HTATSF1: variants seen among roughly 807,000 people sequenced by gnomAD.
HTATSF1 encodes 17S U2 SnRNP complex component HTATSF1.
A neutral mutation model predicts 46.1 loss-of-function variants in HTATSF1; 6 were observed. The observed-to-expected ratio is 0.13, with a 90% CI of 0.07 to 0.26. The LOEUF (loss-of-function observed/expected upper bound fraction) is 0.26, where lower values mean the gene tolerates loss of function less well. Ranked by LOEUF, HTATSF1 falls within the 10% of genes least tolerant of loss-of-function variation. HTATSF1 has a pLI of 1.00. For synonymous variants in HTATSF1, 226 were observed against 211.5 expected, an observed-to-expected ratio of 1.07 and a Z score of -0.60; for missense variants, 452 against 559.9, an observed-to-expected ratio of 0.81 and a Z score of 1.94.
At chrX:136,508,559 A>G (rs1375303347) in intron 6 of HTATSF1, among the ~76,000 whole-genome samples, 2 of 112,860 alleles carry the variant, frequency 1.8e-5, no homozygotes, top group Non-Finnish European at 3.7e-5. Context: ...ACAATGTGGT[A>G]GGAGACAAGA....
rs746299439 is a variant in HTATSF1, at chrX:136,509,172, C to A, written c.916C>A (p.Leu306Ile). The stretch of plus-strand genomic sequence containing the variant: ...GTTTGGACAAATTAGGAAACTCCTT[C>A]TCTTTGATGTAAGTTCATGGCTTGG... The part of the protein sequence containing the change: ...SKFGQIRKLL[L>I]FDRHPDGVAS... Residue 306 changes from leucine to isoleucine, a missense_variant, in exon 7 of 9, where the codon CTC becomes ATC. This residue lies in a region of HTATSF1 where 117 missense variants were observed against 222.2 expected (regional missense o/e 0.53). Transcript: ENST00000218364. The A allele has an allele frequency of 3.4e-6, 4 of 1,180,082 alleles. No homozygotes were observed. In the East Asian group the frequency reaches 1.2e-4, roughly 35 times the overall value.
chrX:136,499,888 T>A, intron 2 of HTATSF1, 110 bp downstream of exon 2: 16 of 584,623 alleles, frequency 2.7e-5, no homozygotes, highest in South Asian at 3.9e-5. Flanking sequence ...ATAAGGTGAG[T>A]TTTTTCTTTA....
At chrX:136,504,913 A>G (rs781285626) in intron 6 of HTATSF1, among the ~76,000 whole-genome samples, 1 of 112,386 alleles carries the variant, frequency 8.9e-6, no homozygotes, top group East Asian at 2.8e-4. Context: ...ACAGCAAGTA[A>G]AAGTGAATAA....
At chrX:136,509,042 T>C in intron 6 of HTATSF1, 49 bp from the exon 7 acceptor site, 1 of 864,352 alleles carries the variant, frequency 1.2e-6, no homozygotes. Flanking sequence ...TCTCAGGATT[T>C]ATAGTTAAAG....
intron 1 of HTATSF1, among the ~76,000 whole-genome samples, chrX:136,498,986 G>A (rs193201159): frequency 2.4e-4 from 27 of 112,756 alleles, no homozygotes; most frequent in Non-Finnish European, 4.1e-4. Context: ...GATATGAGTT[G>A]GATTTGTCTT....
chrX:136,507,717 G>A (rs1433299700), intron 6 of HTATSF1, among the ~76,000 whole-genome samples: 1 of 110,652 alleles, frequency 9.0e-6, no homozygotes, highest in African/African-American at 3.3e-5. Context: ...ATTTTCCTTG[G>A]TGAATAAAAG....
intron 3 of HTATSF1, 132 bp from the exon 4 acceptor site, chrX:136,500,532 G>A (rs1466731506): frequency 1.3e-5 from 6 of 463,200 alleles, no homozygotes; most frequent in African/African-American, 2.5e-5. Context: ...TTCCGTAAAT[G>A]TAAAACTTTT....
In HTATSF1 at chrX:136,511,123, G is replaced by A. The variant is rs768436948; in HGVS notation, c.1378G>A (p.Glu460Lys). Residue 460 changes from glutamate to lysine, a missense_variant, in exon 9 of 9, where the codon GAA (glutamate) becomes AAA (lysine). Glu to Lys is a moderately conservative substitution (Grantham distance 56, BLOSUM62 1). This residue lies in a region of HTATSF1 where 246 missense variants were observed against 245.3 expected (regional missense o/e 1.00). Transcript: ENST00000218364. ...KESSPEKEAE[E>K]GCPEKESEEG... ...AAGTAGCCCCGAAAAAGAGGCTGAA[G>A]AAGGCTGCCCTGAAAAAGAATCTGA... The A allele has an allele frequency of 3.3e-6, 4 of 1,209,115 alleles. No homozygotes were observed. In the East Asian group the frequency reaches 1.2e-4, roughly 36 times the overall value.
At chrX:136,500,039 G>A in intron 2 of HTATSF1, 119 bp from the exon 3 acceptor site, 4 of 536,307 alleles carry the variant, frequency 7.5e-6, no homozygotes, top group Non-Finnish European at 9.6e-6. Flanking sequence ...GGTCTTTTAA[G>A]AGTAACAGAA....
At chrX:136,508,426 C>G (rs1214819495) in intron 6 of HTATSF1, among the ~76,000 whole-genome samples, 6 of 112,073 alleles carry the variant, frequency 5.4e-5, no homozygotes, top group Non-Finnish European at 1.9e-5. Context: ...CACCCGAACT[C>G]TAGGCTACTA....
At position 136,502,887 on chromosome X, in the gene HTATSF1, CAAA is replaced by C. The variant is rs746832682; in HGVS notation, c.681_683del (p.Lys232del). 68 of 1,161,731 alleles carry C rather than the reference CAAA, an allele frequency of 5.9e-5. No homozygotes were observed. The highest frequency in any genetic ancestry group is 7.7e-5 in the Non-Finnish European group (67 of 868,838). On this transcript the variant is annotated inframe_deletion, in exon 5 of 9. Coordinates refer to ENST00000218364, the MANE Select transcript of HTATSF1 (RefSeq NM_014500.5). Reference sequence around the variant, plus strand: ...CAACTGAAGGGAGAATATGATGCCTCAAAGAAGAAGAAGAAGTGCAAAGACTAT... The same window carrying C: ...CAACTGAAGGGAGAATATGATGCCTCGAAGAAGAAGAAGTGCAAAGACTAT...
At chrX:136,508,388 A>C (rs2075752268) in intron 6 of HTATSF1, among the ~76,000 whole-genome samples, 1 of 112,025 alleles carries the variant, frequency 8.9e-6, no homozygotes, top group African/African-American at 3.2e-5. Flanking sequence ...GGGAATCTTA[A>C]ATCATTTTGT....
At chrX:136,504,218 A>G in intron 5 of HTATSF1, 146 bp from the exon 6 acceptor site, 1 of 423,144 alleles carries the variant, frequency 2.4e-6, no homozygotes, top group East Asian at 4.3e-5. Flanking sequence ...TGGAACTATG[A>G]CTGAAATACA....
chrX:136,497,910 C>T, intron 1 of HTATSF1, 40 bp downstream of exon 1: 2 of 1,041,341 alleles, frequency 1.9e-6, no homozygotes, highest in Non-Finnish European at 2.6e-6. Context: ...AGCGGGCCGC[C>T]TGGCCAGCCT....
At position 136,511,955 on chromosome X, in the gene HTATSF1, C is replaced by G. The variant is rs144178255; in HGVS notation, c.2210C>G (p.Pro737Arg). ...LGGFGSVEEG[P>R]LSTGSSFILS... is the part of the protein sequence containing the mutation. Reference sequence around the variant, plus strand: ...GGTTTTGGGAGTGTTGAAGAAGGGCCCCTATCCACTGGCAGCAGCTTTATT... The same window carrying G: ...GGTTTTGGGAGTGTTGAAGAAGGGCGCCTATCCACTGGCAGCAGCTTTATT... Residue 737 changes from proline to arginine, a missense_variant, in exon 9 of 9, where the codon CCC (proline) becomes CGC (arginine). Coordinates refer to ENST00000218364, the MANE Select transcript of HTATSF1 (RefSeq NM_014500.5). 4 of 1,208,471 alleles carry G rather than the reference C, an allele frequency of 3.3e-6. No individual in the cohort carries two copies. In the African/African-American group the frequency reaches 7.0e-5, roughly 21 times the overall value.
intron 4 of HTATSF1, 23 bp downstream of exon 4, chrX:136,500,841 T>C: frequency 9.6e-7 from 1 of 1,041,531 alleles, no homozygotes; most frequent in Non-Finnish European, 1.3e-6. Flanking sequence ...ATCAAATAAG[T>C]TTCTTGTATC....
chrX:136,509,524 G>T (rs1037809256), intron 7 of HTATSF1, among the ~76,000 whole-genome samples: 2 of 111,354 alleles, frequency 1.8e-5, no homozygotes, highest in Non-Finnish European at 3.8e-5. Context: ...GAACAATCAG[G>T]GACAATATTC....
intron 6 of HTATSF1, 75 bp downstream of exon 6, chrX:136,504,538 G>A (rs769634729): frequency 2.5e-5 from 19 of 759,272 alleles, no homozygotes; most frequent in African/African-American, 1.5e-4. Flanking sequence ...AGCTTGCCTC[G>A]CCTCATCTTT....
chrX:136,497,914 C>G (rs1358286959), intron 1 of HTATSF1, 44 bp downstream of exon 1: 8 of 1,034,147 alleles, frequency 7.7e-6, no homozygotes, highest in Non-Finnish European at 9.1e-6. Context: ...GGCCGCCTGG[C>G]CAGCCTCGCG....
Sources: gnomAD v4.1 joint callset for allele counts (sites outside exome capture counted in the v4.1 genomes callset) on GRCh38, gnomAD v4.1.1 for gene constraint, gnomAD v4.1.1 regional missense constraint, MANE v1.5 for transcripts, NCBI Gene and HGNC (gene_info 2026-07-23, HGNC 2026-07-21) for gene names.